RAP1GDS1: variants seen among roughly 807,000 people sequenced by gnomAD.
RAP1GDS1 encodes RAP1, GTP-GDP dissociation stimulator 1.
In RAP1GDS1, 35 loss-of-function variants were observed where a neutral mutation model predicts 71.1. That is an observed-to-expected ratio of 0.49 (90% CI 0.38 to 0.65). The LOEUF is 0.65. Ranked by LOEUF, RAP1GDS1 falls within the 30% of genes least tolerant of loss-of-function variation. The pLI is 0.00. For missense variants in RAP1GDS1, 663 were observed against 706.1 expected, an observed-to-expected ratio of 0.94 and a Z score of 0.69; for synonymous variants, 229 against 243.1, an observed-to-expected ratio of 0.94 and a Z score of 0.54.
At chr4:98,438,589 TC>T (rs373432595) in intron 14 of RAP1GDS1, among the ~76,000 whole-genome samples, 4,175 of 119,168 alleles carry the variant, frequency 0.035, 136 homozygotes, top group South Asian at 0.089. Context: ...TATATATATA[TC>T]TTTTTTTTTT....
chr4:98,321,382 C>T (rs1350479891), intron 2 of RAP1GDS1, among the ~76,000 whole-genome samples: 12 of 139,272 alleles, frequency 8.6e-5, no homozygotes, highest in Admixed American at 8.0e-4. Context: ...CCCAATCTAG[C>T]AAGGCAGGCC....
chr4:98,431,724 T>A (rs1750431702), intron 12 of RAP1GDS1, among the ~76,000 whole-genome samples: 1 of 152,242 alleles, frequency 6.6e-6, no homozygotes, highest in Non-Finnish European at 1.5e-5. Context: ...TTCTGCAGGA[T>A]AAAAATTTGC....
At chr4:98,387,478 T>G in intron 5 of RAP1GDS1, 1 of 456,070 alleles carries the variant, frequency 2.2e-6, no homozygotes, top group South Asian at 1.5e-5. Context: ...CCTGAAGAAC[T>G]TGGAACCATT....
chr4:98,379,089 G>A lies in RAP1GDS1; in HGVS notation c.434G>A (p.Ser145Asn). Residue 145 changes from serine (S) to asparagine (N), a missense_variant, in exon 5 of 15, where the codon AGT becomes AAT. By Grantham distance (46) the Ser-to-Asn change is conservative. Transcript: ENST00000408927. ...IVIDHLRSLC[S>N]ITDPANEKLL... is the part of the protein sequence containing the mutation. The stretch of plus-strand genomic sequence containing the variant: ...ATTGACCATTTAAGGTCACTGTGCA[G>A]TATAACAGATCCCGCCAATGAGAAG... 6.2e-7 allele frequency: 1 copy of A among 1,611,034 alleles called. No individual in the cohort carries two copies. Among genetic ancestry groups the A allele is most frequent in the Non-Finnish European group, 8.5e-7 (1 of 1,178,278 alleles).
At chr4:98,415,172 G>A (rs1291178360) in intron 7 of RAP1GDS1, among the ~76,000 whole-genome samples, 3 of 152,128 alleles carry the variant, frequency 2.0e-5, no homozygotes, top group Non-Finnish European at 4.4e-5. Flanking sequence ...GAAGAATATG[G>A]CTCTATTCTG....
chr4:98,362,579 A>G (rs544494132), intron 4 of RAP1GDS1, among the ~76,000 whole-genome samples: 2 of 144,510 alleles, frequency 1.4e-5, no homozygotes, highest in African/African-American at 2.8e-5. Flanking sequence ...TTTAATAGGA[A>G]TGGGAAAAAA....
chr4:98,387,308 C>A, intron 5 of RAP1GDS1: 1 of 375,612 alleles, frequency 2.7e-6, no homozygotes. Flanking sequence ...TTTTTAGTAA[C>A]TTCAGTTGAA....
At position 98,276,104 on chromosome 4, in the gene RAP1GDS1, G is replaced by A. The variant is rs550157810; in HGVS notation, c.4+14535G>A. 2.0e-5 allele frequency among the ~76,000 whole-genome samples: 3 copies of A among 152,204 alleles called. No individual in the cohort carries two copies. In the South Asian group the frequency reaches 6.2e-4, roughly 32 times the overall value. On this transcript the variant is annotated intron_variant, in intron 1 of 14. Transcript: ENST00000408927. ...AGATCAAGGTGCTGGCAGATTCAGT[G>A]TCTGGTCAAGGCCTGCCTCCTGGTT...
intron 6 of RAP1GDS1, among the ~76,000 whole-genome samples, chr4:98,394,083 T>C (rs1382260593): frequency 1.3e-5 from 2 of 152,192 alleles, no homozygotes. Flanking sequence ...TTATCTCATC[T>C]AACTTTAAGG....
At chr4:98,342,078 C>T (rs571043892) in intron 2 of RAP1GDS1, among the ~76,000 whole-genome samples, 6 of 152,060 alleles carry the variant, frequency 3.9e-5, no homozygotes, top group African/African-American at 9.7e-5. Context: ...TTTTAGCGCT[C>T]ATAATGGATT....
chr4:98,443,770 G>A lies in RAP1GDS1; in HGVS notation c.*1653G>A, dbSNP rs894116818. On this transcript the variant is annotated 3_prime_UTR_variant, in exon 15 of 15. Transcript: ENST00000408927. ...TTGTCTTTCTCCTGGGCTGGATAGT[G>A]GACTATATTTTATTACAGGCTTTGA... is the stretch of plus-strand genomic sequence containing the variant. The A allele has an allele frequency of 1.6e-5, 3 of 187,612 alleles. No individual in the cohort carries two copies. Among genetic ancestry groups the A allele is most frequent in the African/African-American group, 7.0e-5 (3 of 42,688 alleles). The allele number at this position is 187,612 out of a possible 1,614,324, so 11.6% of individuals were successfully genotyped here.
At chr4:98,433,072 C>T (rs1750668919) in intron 12 of RAP1GDS1, among the ~76,000 whole-genome samples, 1 of 152,090 alleles carries the variant, frequency 6.6e-6, no homozygotes, top group South Asian at 2.1e-4. Flanking sequence ...GAATCCAGAG[C>T]TTGATGTCTC....
intron 6 of RAP1GDS1, among the ~76,000 whole-genome samples, chr4:98,397,706 T>C (rs1427176708): frequency 1.3e-5 from 2 of 152,172 alleles, no homozygotes; most frequent in South Asian, 4.1e-4. Context: ...TTCTAGACCC[T>C]CTTTCCCCTT....
At chr4:98,280,295 G>A (rs190779789) in intron 1 of RAP1GDS1, among the ~76,000 whole-genome samples, 76 of 152,172 alleles carry the variant, frequency 5.0e-4, no homozygotes, top group African/African-American at 1.8e-3. Flanking sequence ...TTTAATGATC[G>A]CCATTCTAAC....
chr4:98,287,916 A>T (rs1726279479), intron 1 of RAP1GDS1, among the ~76,000 whole-genome samples: 1 of 152,174 alleles, frequency 6.6e-6, no homozygotes, highest in Non-Finnish European at 1.5e-5. Flanking sequence ...TAGCACATTC[A>T]CATTAGTTTC....
intron 6 of RAP1GDS1, among the ~76,000 whole-genome samples, chr4:98,399,447 T>C (rs963517107): frequency 1.3e-5 from 2 of 152,030 alleles, no homozygotes; most frequent in Non-Finnish European, 2.9e-5. Context: ...GCGTGCACCA[T>C]CATGCCCCAT....
chr4:98,398,345 A>G (rs1278069252), intron 6 of RAP1GDS1, among the ~76,000 whole-genome samples: 1 of 152,206 alleles, frequency 6.6e-6, no homozygotes, highest in Non-Finnish European at 1.5e-5. Context: ...CTGAAATACA[A>G]AATTTCCTAC....
chr4:98,297,497 G>A (rs981027779), intron 2 of RAP1GDS1, among the ~76,000 whole-genome samples: 2 of 152,034 alleles, frequency 1.3e-5, no homozygotes, highest in Non-Finnish European at 2.9e-5. Context: ...GGTAATTCTT[G>A]CAACATTTCA....
intron 14 of RAP1GDS1, 138 bp downstream of exon 14, chr4:98,437,206 T>C (rs1751255531): frequency 3.4e-6 from 3 of 886,606 alleles, no homozygotes; most frequent in East Asian, 3.1e-5. Context: ...ATAACTTTTT[T>C]CCCCTATTAC....
Sources: allele counts gnomAD v4.1 joint callset (sites outside exome capture counted in the v4.1 genomes callset), GRCh38; gene constraint gnomAD v4.1.1; transcripts MANE v1.5; gene names NCBI Gene and HGNC (gene_info 2026-07-23, HGNC 2026-07-21).